Variants in POLE3 observed in about 807,000 individuals in gnomAD.
The protein encoded by POLE3 is DNA polymerase epsilon subunit 3.
Under a neutral mutation model 16.1 loss-of-function variants are expected in POLE3, and 10 were observed. The ratio of observed to expected loss-of-function variants is 0.62; its 90% confidence interval spans 0.38 to 1.05. The LOEUF (loss-of-function observed/expected upper bound fraction) is 1.05, where lower values mean the gene tolerates loss of function less well. Among genes scored for constraint, POLE3 ranks in the 50% least tolerant of loss-of-function variants. The pLI, the probability that POLE3 is intolerant of heterozygous loss-of-function variation, is 0.01. For synonymous variants in POLE3, 83 were observed against 71.0 expected (o/e 1.17, Z -0.85); for missense variants, 169 against 185.0 (o/e 0.91, Z 0.50).
Position 113,410,289 on chromosome 9 carries a change from G to C in POLE3, c.5C>G (p.Ala2Gly), listed in dbSNP as rs777235055. The C allele has an allele frequency of 1.3e-5, 21 of 1,612,596 alleles. No individual in the cohort carries two copies. The Admixed American group carries it at 3.5e-4, about 27-fold the overall frequency. Residue 2 changes from alanine to glycine, a missense_variant, in exon 2 of 5, where the codon GCG (alanine) becomes GGG (glycine). Transcript: ENST00000374171. ...CAGGTTTAGGTCCTCGGGCCTCTCC[G>C]CCATTGCCGCCGCTGGGGCTTAAAC... M[A>G]ERPEDLNLPN...
At position 113,409,731 on chromosome 9, in the gene POLE3, G is replaced by GC. The variant is rs1372597266; in HGVS notation, c.153-4_153-3insG. ...CTTTCATTGCAAAGTTGTTAGCACT[G>GC]AGAGAAGAGAAAGGCTGTCAGACTC... On this transcript the variant is annotated splice_region_variant and splice_polypyrimidine_tract_variant and intron_variant, in intron 3 of 4. Coordinates refer to ENST00000374171, the MANE Select transcript of POLE3 (RefSeq NM_017443.5). The GC allele has an allele frequency of 6.3e-7, 1 of 1,576,590 alleles. No individual in the cohort carries two copies. The highest frequency in any genetic ancestry group is 1.7e-5 in the Admixed American group (1 of 59,962).
rs752853397 is a variant in POLE3, at chr9:113,409,018, C to CT, written c.272-36dup. On this transcript the variant is annotated intron_variant, in intron 4 of 4. Coordinates refer to ENST00000374171, the MANE Select transcript of POLE3 (RefSeq NM_017443.5). ...CGGAACAAGGGGTTAGGAGACAGAGCTGAAAGTGAGCCAGACGGACTGCAG... is the reference window on the plus strand; with the variant it reads ...CGGAACAAGGGGTTAGGAGACAGAGCTTGAAAGTGAGCCAGACGGACTGCAG... 3.8e-6 allele frequency: 6 copies of CT among 1,599,718 alleles called. No homozygotes were observed. In the African/African-American group the frequency reaches 6.7e-5, roughly 18 times the overall value.
chr9:113,409,550 T>C lies in POLE3; in HGVS notation c.271+60A>G, dbSNP rs976398788. 5.9e-6 allele frequency: 6 copies of C among 1,013,436 alleles called. No homozygotes were observed. The African/African-American group carries it at 9.4e-5, about 16-fold the overall frequency. 62.8% of individuals were successfully genotyped at this position (1,013,436 alleles called of 1,614,324 possible). A position where few individuals can be genotyped will look rare whatever the true frequency, so the allele number is the denominator to read the frequency against. On this transcript the variant is annotated intron_variant, in intron 4 of 4. Coordinates refer to ENST00000374171, the MANE Select transcript of POLE3 (RefSeq NM_017443.5). ...CGCGCTGAGAAGGCTCAGGGCCTGG[T>C]GAACAGGTCACACAGGATGACCATC...
chr9:113,409,100 G>C, intron 4 of POLE3, 117 bp from the exon 5 acceptor site: 1 of 862,296 alleles, frequency 1.2e-6, no homozygotes. Context: ...GGTGGCTCAC[G>C]CCTGTAATCC....
rs760361084 is a variant in POLE3 at position 113,408,930 on chromosome 9, CCTT to C, written c.322_324del (p.Lys108del). The C allele has an allele frequency of 3.3e-5, 53 of 1,613,630 alleles. No homozygotes were observed. Among genetic ancestry groups the C allele is most frequent in the Admixed American group, 1.0e-4 (6 of 59,920 alleles). ...TCCGAGTCTGTTTTTTTGTCTTTGT[CCTT>C]CTTCTTTTGCTCTGAGGCCTCCTTC... On this transcript the variant is annotated inframe_deletion, in exon 5 of 5. Coordinates refer to ENST00000374171, the MANE Select transcript of POLE3 (RefSeq NM_017443.5).
rs1827976670 is a variant in POLE3, at chr9:113,408,075, A to G, written c.*736T>C. 6.6e-6 allele frequency: 1 copy of G among 152,580 alleles called. No homozygotes were observed. The highest frequency in any genetic ancestry group is 2.4e-5 in the African/African-American group (1 of 41,462). The allele number at this position is 152,580 out of a possible 1,614,324, so 9.5% of individuals were successfully genotyped here. ...TAGCAGAGAGTAAGGTACATCTGACACTATGCCATCTGTTTTTGTAAAAGA... is the reference window on the plus strand; with the variant it reads ...TAGCAGAGAGTAAGGTACATCTGACGCTATGCCATCTGTTTTTGTAAAAGA... On this transcript the variant is annotated 3_prime_UTR_variant, in exon 5 of 5. Coordinates refer to ENST00000374171, the MANE Select transcript of POLE3 (RefSeq NM_017443.5).
At chr9:113,409,530 T>G in intron 4 of POLE3, 80 bp downstream of exon 4, 1 of 854,112 alleles carries the variant, frequency 1.2e-6, no homozygotes, top group Non-Finnish European at 2.0e-6. Flanking sequence ...GGACCCGCGC[T>G]GAGAAGGCTC....
At chr9:113,410,688 G>A, upstream of POLE3, 1 of 244,748 alleles carries the variant, frequency 4.1e-6, no homozygotes, top group Non-Finnish European at 8.2e-6. Flanking sequence ...GTGACGGCGC[G>A]GCCGGGCGCA....
At chr9:113,410,595 G>C in intron 1 of POLE3, 22 bp downstream of exon 1, 1 of 488,662 alleles carries the variant, frequency 2.0e-6, no homozygotes, top group East Asian at 3.3e-5. Flanking sequence ...TCTCGCCATC[G>C]CCGCGTCGGG....
chr9:113,409,670 A>T lies in POLE3; in HGVS notation c.211T>A (p.Ser71Thr), dbSNP rs1319882955. ...TGGAACTCCATCTCTTCCATGGCTG[A>T]GAGCACATCACTGGCATTCAGCGTC... is the stretch of plus-strand genomic sequence containing the variant. ...RKTLNASDVL[S>T]AMEEMEFQRF... The change falls in exon 4 of 5, where the codon TCA becomes ACA. Residue 71 changes from serine (S) to threonine (T), a missense_variant. Ser to Thr is a moderately conservative substitution (Grantham distance 58). Transcript: ENST00000374171. 1 of 1,613,990 alleles carries T rather than the reference A, an allele frequency of 6.2e-7. No individual in the cohort carries two copies.
rs1828076498 is a variant in POLE3, at chr9:113,410,357, C to A, written c.-64G>T. The A allele has an allele frequency of 6.8e-7, 1 of 1,467,606 alleles. No homozygotes were observed. Among genetic ancestry groups the A allele is most frequent in the Non-Finnish European group, 9.4e-7 (1 of 1,062,872 alleles). The allele number at this position is 1,467,606 out of a possible 1,614,324, so 90.9% of individuals were successfully genotyped here. On this transcript the variant is annotated 5_prime_UTR_variant, in exon 2 of 5. Transcript: ENST00000374171. ...TCAGGGAGCTACTGCGTCCGGACTTCCCGCGTCGCTACGGTCTGACCCTGC... is the reference window on the plus strand; with the variant it reads ...TCAGGGAGCTACTGCGTCCGGACTTACCGCGTCGCTACGGTCTGACCCTGC...
At position 113,408,995 on chromosome 9, in the gene POLE3, G is replaced by T. The variant is rs3827674; in HGVS notation, c.272-12C>A. ...CTCCCGCCTATATGCTGTAAGGACGGAACAAGGGGTTAGGAGACAGAGCTG... is the reference window on the plus strand; with the variant it reads ...CTCCCGCCTATATGCTGTAAGGACGTAACAAGGGGTTAGGAGACAGAGCTG... On this transcript the variant is annotated splice_polypyrimidine_tract_variant and intron_variant, in intron 4 of 4. Coordinates refer to ENST00000374171, the MANE Select transcript of POLE3 (RefSeq NM_017443.5). 2 of 1,612,454 alleles carry T rather than the reference G, an allele frequency of 1.2e-6. No homozygotes were observed. Among genetic ancestry groups the T allele is most frequent in the African/African-American group, 2.7e-5 (2 of 74,854 alleles).
rs1276623513 is a variant in POLE3 at position 113,408,465 on chromosome 9, A to G, written c.*346T>C. 1.1e-5 allele frequency: 2 copies of G among 181,808 alleles called. No homozygotes were observed. The highest frequency in any genetic ancestry group is 1.1e-4 in the Admixed American group (2 of 17,932). 11.3% of individuals were successfully genotyped at this position (181,808 alleles called of 1,614,324 possible). On this transcript the variant is annotated 3_prime_UTR_variant, in exon 5 of 5. Coordinates refer to ENST00000374171, the MANE Select transcript of POLE3 (RefSeq NM_017443.5). ...GAACACAGCAGGCAGCATGGAAGTT[A>G]TTATTACTTATTTGGGGGACTAGGG...
At chr9:113,409,359 C>CAAAAAAAAAAAAAAAAA in intron 4 of POLE3, among the ~76,000 whole-genome samples, 1 of 89,504 alleles carries the variant, frequency 1.1e-5, no homozygotes, top group Non-Finnish European at 2.2e-5. Flanking sequence ...GACTCCGTCT[C>CAAAAAAAAAAAAAAAAA]AAAAAAAAAA....
At chr9:113,410,728 C>T (rs944327417), upstream of POLE3, 3 of 229,632 alleles carry the variant, frequency 1.3e-5, no homozygotes, top group African/African-American at 2.3e-5. Context: ...GTGGCTGACT[C>T]GGCGGGGCGG....
chr9:113,410,102 G>A lies in POLE3; in HGVS notation c.105C>T (p.Ser35=). The change falls in exon 3 of 5, where the codon AGC becomes AGT. Residue 35 remains serine, a synonymous_variant. Transcript: ENST00000374171. ...AGACGCTGGCGGCGCGGGAGATGGC[G>A]CTCCGGGCCTCCTTGGAGATGTTGA... ...DGVNISKEAR[S]AISRAASVFV... 2.5e-6 allele frequency: 4 copies of A among 1,587,674 alleles called. No homozygotes were observed. The highest frequency in any genetic ancestry group is 3.4e-6 in the Non-Finnish European group (4 of 1,167,628).
chr9:113,408,803 C>CG lies in POLE3; in HGVS notation c.*7dup, dbSNP rs768140819. The CG allele has an allele frequency of 6.2e-6, 10 of 1,610,880 alleles. No individual in the cohort carries two copies. Among genetic ancestry groups the CG allele is most frequent in the Non-Finnish European group, 8.5e-6 (10 of 1,177,670 alleles). Reference sequence around the variant, plus strand: ...TACCTTCCAAGGTGCCACAGTCTCCCGCCCTTTTCAGTTGTCTACTTCTTC... The same window carrying CG: ...TACCTTCCAAGGTGCCACAGTCTCCCGGCCCTTTTCAGTTGTCTACTTCTTC... On this transcript the variant is annotated 3_prime_UTR_variant, in exon 5 of 5. Transcript: ENST00000374171.
intron 3 of POLE3, 109 bp downstream of exon 3, chr9:113,409,946 G>T: frequency 2.2e-6 from 2 of 915,396 alleles, no homozygotes; most frequent in Non-Finnish European, 3.3e-6. Context: ...AGAGGACTGT[G>T]AACATGTCCC....
chr9:113,409,093 G>C, intron 4 of POLE3, 110 bp from the exon 5 acceptor site: 1 of 944,994 alleles, frequency 1.1e-6, no homozygotes, highest in Non-Finnish European at 1.6e-6. Context: ...TGGGCGCGGT[G>C]GCTCACGCCT....
Sources: allele counts gnomAD v4.1 joint callset (sites outside exome capture counted in the v4.1 genomes callset), GRCh38; gene constraint gnomAD v4.1.1; transcripts MANE v1.5; gene names NCBI Gene and HGNC (gene_info 2026-07-23, HGNC 2026-07-21).